Variants in RAPGEF6 observed in about 807,000 individuals in gnomAD.
The protein encoded by RAPGEF6 is PDZ domain containing guanine nucleotide exchange factor (GEF) 2.
In RAPGEF6, 56 loss-of-function variants were observed where a neutral mutation model predicts 171.4. That is an observed-to-expected ratio of 0.33 (90% CI 0.26 to 0.41). The LOEUF is 0.41. Ranked by LOEUF, RAPGEF6 falls within the 10% of genes least tolerant of loss-of-function variation. RAPGEF6 has a pLI of 1.00. For missense variants in RAPGEF6, 1,674 were observed against 1,921.4 expected (o/e 0.87, Z 2.41); for synonymous variants, 692 against 650.1 (o/e 1.06, Z -0.98).
rs191056458 is a variant in RAPGEF6 at position 131,503,487 on chromosome 5, C to A, written c.1254+1139G>T. 5.4e-4 allele frequency among the ~76,000 whole-genome samples: 82 copies of A among 152,292 alleles called. 1 individual carries two copies. In the East Asian group the frequency reaches 0.013, roughly 25 times the overall value. On this transcript the variant is annotated intron_variant, in intron 11 of 27. Coordinates refer to ENST00000509018, the MANE Select transcript of RAPGEF6 (RefSeq NM_016340.6). The stretch of plus-strand genomic sequence containing the variant: ...ATCATTTCTACACACAAAGCTTACA[C>A]TCATCTGTTTAGGAAAAGAAAGATC...
intron 11 of RAPGEF6, among the ~76,000 whole-genome samples, chr5:131,499,779 CCAAA>C (rs1246251001): frequency 6.6e-6 from 1 of 151,946 alleles, no homozygotes; most frequent in African/African-American, 2.4e-5. Context: ...TTGCAGTCAT[CCAAA>C]CAATTTCATT....
rs547598296 is a variant in RAPGEF6, at chr5:131,635,199, T to C, written c.-169A>G. ...CTTCGCAACGCCCGCCTAAGGCCTCTACCCACGCGCGACTGGCCGGAGACA... is the reference window on the plus strand; with the variant it reads ...CTTCGCAACGCCCGCCTAAGGCCTCCACCCACGCGCGACTGGCCGGAGACA... On this transcript the variant is annotated 5_prime_UTR_variant, in exon 1 of 28. Coordinates refer to ENST00000509018, the MANE Select transcript of RAPGEF6 (RefSeq NM_016340.6). 7.7e-6 allele frequency: 5 copies of C among 651,034 alleles called. No homozygotes were observed. In the Admixed American group the frequency reaches 9.7e-5, roughly 13 times the overall value. The allele number at this position is 651,034 out of a possible 1,614,324, so 40.3% of individuals were successfully genotyped here. A position where few individuals can be genotyped will look rare whatever the true frequency, so the allele number is the denominator to read the frequency against.
intron 16 of RAPGEF6, among the ~76,000 whole-genome samples, chr5:131,476,232 T>C (rs1024580849): frequency 6.6e-6 from 1 of 152,128 alleles, no homozygotes; most frequent in African/African-American, 2.4e-5. Flanking sequence ...CATCTATATA[T>C]AAATCTTCAT....
At position 131,635,117 on chromosome 5, in the gene RAPGEF6, C is replaced by T; in HGVS notation, c.-87G>A. On this transcript the variant is annotated 5_prime_UTR_variant, in exon 1 of 28. Coordinates refer to ENST00000509018, the MANE Select transcript of RAPGEF6 (RefSeq NM_016340.6). ...TAGGTAGCGGGTGCGGTACCTTTCC[C>T]CCGCCCCAAGGAGGGAACTTCGCGC... 3.0e-6 allele frequency: 4 copies of T among 1,355,404 alleles called. No individual in the cohort carries two copies. The highest frequency in any genetic ancestry group is 4.0e-6 in the Non-Finnish European group (4 of 1,012,240). The allele number at this position is 1,355,404 out of a possible 1,614,324, so 84.0% of individuals were successfully genotyped here. A position where few individuals can be genotyped will look rare whatever the true frequency, so the allele number is the denominator to read the frequency against.
intron 21 of RAPGEF6, chr5:131,450,184 C>T (rs530862760): frequency 2.1e-6 from 2 of 931,434 alleles, no homozygotes; most frequent in African/African-American, 3.3e-5. Flanking sequence ...TACAGCTTAA[C>T]AGTAAAATGA....
intron 8 of RAPGEF6, 103 bp downstream of exon 8, chr5:131,510,211 C>T: frequency 3.3e-6 from 4 of 1,223,988 alleles, no homozygotes. Flanking sequence ...AATGGCTTAA[C>T]ACAACACACA....
intron 4 of RAPGEF6, among the ~76,000 whole-genome samples, chr5:131,582,344 A>C (rs9687376): frequency 0.63 from 96,378 of 152,126 alleles, 32,447 homozygotes; most frequent in Non-Finnish European, 0.77. Flanking sequence ...CAGAAGAGAA[A>C]AAATATTTTC....
intron 1 of RAPGEF6, among the ~76,000 whole-genome samples, chr5:131,626,380 T>C (rs1228014072): frequency 6.6e-6 from 1 of 152,144 alleles, no homozygotes; most frequent in Non-Finnish European, 1.5e-5. Context: ...AATTTTTGCA[T>C]CTTTGGGAGC....
rs150009091 is a variant in RAPGEF6, at chr5:131,607,977, A to T, written c.70-3284T>A. On this transcript the variant is annotated intron_variant, in intron 1 of 27. Transcript: ENST00000509018. Reference sequence around the variant, plus strand: ...CGGAAATATCTAAAGTGAAGTAAAGATCCACCTGAAAAAATCATTGTAGTA... The same window carrying T: ...CGGAAATATCTAAAGTGAAGTAAAGTTCCACCTGAAAAAATCATTGTAGTA... Among the ~76,000 whole-genome samples, 560 of 152,322 alleles carry T rather than the reference A, an allele frequency of 3.7e-3. 4 individuals are homozygous for T. The highest frequency in any genetic ancestry group is 0.013 in the African/African-American group (530 of 41,572).
intron 17 of RAPGEF6, among the ~76,000 whole-genome samples, chr5:131,469,102 G>T (rs1380061327): frequency 6.6e-6 from 1 of 152,184 alleles, no homozygotes; most frequent in East Asian, 1.9e-4. Flanking sequence ...TTAAAAATTT[G>T]TGGTAGAACA....
intron 21 of RAPGEF6, 138 bp from the exon 22 acceptor site, chr5:131,446,841 C>A (rs1457304988): frequency 3.7e-6 from 3 of 812,174 alleles, no homozygotes; most frequent in Non-Finnish European, 5.7e-6. Context: ...AGCATTAATG[C>A]AAAGTAATTT....
chr5:131,431,271 C>T lies in RAPGEF6; in HGVS notation c.4053G>A (p.Glu1351=), dbSNP rs1289943204. 5.6e-6 allele frequency: 9 copies of T among 1,614,180 alleles called. No homozygotes were observed. The highest frequency in any genetic ancestry group is 6.8e-6 in the Non-Finnish European group (8 of 1,180,008). ...SSVSNEEISQ[E]HIIIEAADSG... ...TGTCAGCTGCTTCTATAATGATATG[C>T]TCTTGAGAAATCTCTTCATTGCTCA... Residue 1351 remains glutamate (E), a synonymous_variant, in exon 26 of 28, where the codon GAG becomes GAA. Coordinates refer to ENST00000509018, the MANE Select transcript of RAPGEF6 (RefSeq NM_016340.6).
At chr5:131,594,548 A>G (rs545273190) in intron 3 of RAPGEF6, among the ~76,000 whole-genome samples, 16 of 152,188 alleles carry the variant, frequency 1.1e-4, no homozygotes, top group Admixed American at 5.9e-4. Context: ...TATCTAGTGG[A>G]GCTGCGAAAA....
Position 131,424,833 on chromosome 5 carries a change from TGGC to T in RAPGEF6, c.*2430_*2432del, listed in dbSNP as rs1341185321. ...TGAGCGTTAACTGCTTCAACAGTCT[TGGC>T]AGATTGAGAGTTGTGGCAGGAAGAG... On this transcript the variant is annotated 3_prime_UTR_variant, in exon 28 of 28. Coordinates refer to ENST00000509018, the MANE Select transcript of RAPGEF6 (RefSeq NM_016340.6). 2.0e-5 allele frequency: 3 copies of T among 152,352 alleles called. No homozygotes were observed. Among genetic ancestry groups the T allele is most frequent in the Non-Finnish European group, 4.4e-5 (3 of 68,022 alleles). 9.4% of individuals were successfully genotyped at this position (152,352 alleles called of 1,614,324 possible). A position where few individuals can be genotyped will look rare whatever the true frequency, so the allele number is the denominator to read the frequency against.
At chr5:131,446,301 GTAGCC>G (rs1458649057) in intron 22 of RAPGEF6, among the ~76,000 whole-genome samples, 177 bp downstream of exon 22, 1 of 152,188 alleles carries the variant, frequency 6.6e-6, no homozygotes, top group Non-Finnish European at 1.5e-5. Flanking sequence ...TTTGGATAGT[GTAGCC>G]ATCAGGAATG....
intron 17 of RAPGEF6, among the ~76,000 whole-genome samples, chr5:131,464,809 A>G (rs1754216060): frequency 1.3e-5 from 2 of 152,198 alleles, no homozygotes; most frequent in Admixed American, 6.5e-5. Flanking sequence ...GAAGGCACGC[A>G]TACTTTTAAG....
chr5:131,577,163 CT>C (rs1249436222), intron 4 of RAPGEF6, among the ~76,000 whole-genome samples: 1 of 152,162 alleles, frequency 6.6e-6, no homozygotes, highest in African/African-American at 2.4e-5. Flanking sequence ...TCAGTTTGAC[CT>C]TCCCACCTCT....
chr5:131,441,307 C>T lies in RAPGEF6; in HGVS notation c.3610+1042G>A, dbSNP rs898655180. Among the ~76,000 whole-genome samples the T allele has an allele frequency of 4.7e-4, 71 of 152,280 alleles. 1 individual carries two copies. Among genetic ancestry groups the T allele is most frequent in the African/African-American group, 1.5e-3 (63 of 41,564 alleles). On this transcript the variant is annotated intron_variant, in intron 23 of 27. Coordinates refer to ENST00000509018, the MANE Select transcript of RAPGEF6 (RefSeq NM_016340.6). ...AAAATTAGTAAAGCACAATTTGAAC[C>T]ATGCCTGGCACCAGTAAGTGCTCTC...
At chr5:131,618,442 GCAACA>G (rs761002745) in intron 1 of RAPGEF6, among the ~76,000 whole-genome samples, 1 of 151,942 alleles carries the variant, frequency 6.6e-6, no homozygotes, top group Non-Finnish European at 1.5e-5. Flanking sequence ...ACCAGCCCAG[GCAACA>G]CAGTGGAAAC....
Sources: gnomAD v4.1 joint callset for allele counts (sites outside exome capture counted in the v4.1 genomes callset) on GRCh38, gnomAD v4.1.1 for gene constraint, MANE v1.5 for transcripts, NCBI Gene and HGNC (gene_info 2026-07-23, HGNC 2026-07-21) for gene names.